The following NT5DC4 variants were observed in gnomAD, a reference collection of about 807,000 sequenced individuals.
The protein encoded by NT5DC4 is 5'-nucleotidase domain-containing protein 4.
NT5DC4 carries 44 observed loss-of-function variants against 26.6 expected under a neutral mutation model. The ratio of observed to expected loss-of-function variants is 1.65; its 90% CI spans 1.30 to 2.13. The LOEUF (loss-of-function observed/expected upper bound fraction) is 2.13. Ranked by LOEUF, NT5DC4 falls within the 30% of genes most tolerant of loss-of-function variation. The pLI is 0.00. For synonymous variants in NT5DC4, 157 were observed against 86.7 expected (o/e 1.81, Z -4.51); for missense variants, 399 against 228.1 (o/e 1.75, Z -4.83).
chr2:112,721,350 G>A (rs1676843759), intron 1 of NT5DC4, 197 bp downstream of exon 1: 1 of 655,846 alleles, frequency 1.5e-6, no homozygotes. Context: ...ACTCCGGCGG[G>A]AGGTCCTCTT....
rs1372425248 is a variant in NT5DC4 at position 112,721,162 on chromosome 2, G to A, written c.74+9G>A. On this transcript the variant is annotated intron_variant, in intron 1 of 16. Coordinates refer to ENST00000688554, the MANE Select transcript of NT5DC4 (RefSeq NM_001393655.1). ...CAGGACTGGCACCAGCGGTGAGATG[G>A]GCACCTGGGGTGGGGGCCAGGGGTC... is the stretch of plus-strand genomic sequence containing the variant. Among the ~76,000 whole-genome samples the A allele has an allele frequency of 6.6e-6, 1 of 152,206 alleles. No individual in the cohort carries two copies. Among genetic ancestry groups the A allele is most frequent in the Non-Finnish European group, 1.5e-5 (1 of 68,026 alleles).
chr2:112,721,681 A>T, intron 1 of NT5DC4, 137 bp from the exon 2 acceptor site: 1 of 715,194 alleles, frequency 1.4e-6, no homozygotes, highest in East Asian at 2.7e-5. Context: ...GCTTGGCCTG[A>T]CCTGCTTCCC....
chr2:112,742,367 T>G (rs746182357), downstream of NT5DC4: 3 of 717,376 alleles, frequency 4.2e-6, no homozygotes, highest in South Asian at 4.4e-5. Flanking sequence ...GTGGGTTTAT[T>G]ATGATTAAAC....
intron 16 of NT5DC4, chr2:112,731,820 A>G (rs1486788812): frequency 6.6e-6 from 1 of 152,176 alleles, no homozygotes; most frequent in African/African-American, 2.4e-5. Context: ...GTCTGAGGAC[A>G]CACTTCATTA....
At chr2:112,731,382 A>T (rs1358239562) in intron 16 of NT5DC4, 1 of 152,112 alleles carries the variant, frequency 6.6e-6, no homozygotes, top group Non-Finnish European at 1.5e-5. Flanking sequence ...TCTTGAACGC[A>T]TGATGTCTCA....
intron 15 of NT5DC4, among the ~76,000 whole-genome samples, chr2:112,728,110 T>G (rs1677993083): frequency 6.6e-6 from 1 of 152,218 alleles, no homozygotes; most frequent in Admixed American, 6.5e-5. Flanking sequence ...GGGATCACAG[T>G]CTTGCAGATA....
Position 112,724,859 on chromosome 2 carries a change from G to C in NT5DC4, c.868G>C (p.Glu290Gln), listed in dbSNP as rs1677487734. ...CACGCAGAAGCCCCACTTCTTTGCAGAGGGGTTGGTCCTGAGGCAGGTCAA... is the reference window on the plus strand; with the variant it reads ...CACGCAGAAGCCCCACTTCTTTGCACAGGGGTTGGTCCTGAGGCAGGTCAA... ...VDTQKPHFFA[E>Q]GLVLRQVNTV... is the part of the protein sequence containing the mutation. Residue 290 changes from glutamate to glutamine, a missense_variant, in exon 11 of 17, where the codon GAG (glutamate) becomes CAG (glutamine). Glu to Gln is a conservative substitution (Grantham distance 29). Coordinates refer to ENST00000688554, the MANE Select transcript of NT5DC4 (RefSeq NM_001393655.1). The C allele has an allele frequency of 4.2e-6, 3 of 717,224 alleles. No homozygotes were observed. The highest frequency in any genetic ancestry group is 7.8e-6 in the Non-Finnish European group (3 of 385,038). The allele number at this position is 717,224 out of a possible 1,614,324, so 44.4% of individuals were successfully genotyped here.
rs753370153 is a variant in NT5DC4 at position 112,738,791 on chromosome 2, GA to G, written c.1345-119del. ...ATATTTCTTGTCTTATGTTGGTTCT[GA>G]AACACCTTTTTTAAAAAAAGCATCA... On this transcript the variant is annotated intron_variant, in intron 16 of 16. Transcript: ENST00000688554. 4.9e-6 allele frequency: 7 copies of G among 1,440,066 alleles called. No homozygotes were observed. In the South Asian group the frequency reaches 5.7e-5, roughly 12 times the overall value. 89.2% of individuals were successfully genotyped at this position (1,440,066 alleles called of 1,614,324 possible).
chr2:112,723,544 T>C (rs562193367), intron 8 of NT5DC4, 76 bp downstream of exon 8: 1 of 706,080 alleles, frequency 1.4e-6, no homozygotes, highest in Admixed American at 2.0e-5. Context: ...CTTCTCTGGC[T>C]TTCTTCGAGG....
intron 16 of NT5DC4, chr2:112,731,393 T>C (rs1340021944): frequency 6.6e-6 from 1 of 152,146 alleles, no homozygotes; most frequent in African/African-American, 2.4e-5. Flanking sequence ...TGATGTCTCA[T>C]ATCCAATTTT....
upstream of NT5DC4, among the ~76,000 whole-genome samples, chr2:112,719,920 CTTTCTCTTTCTTTCTT>C (rs1676690979): frequency 2.3e-5 from 2 of 87,922 alleles, no homozygotes; most frequent in African/African-American, 5.7e-5. Context: ...TTCTTTCTTT[CTTTCTCTTTCTTTCTT>C]TCTTTCTTTC....
Position 112,725,355 on chromosome 2 carries a change from G to A in NT5DC4, c.983-27G>A, listed in dbSNP as rs750579092. The A allele has an allele frequency of 4.3e-6, 3 of 692,294 alleles. No homozygotes were observed. The South Asian group carries it at 4.5e-5, about 10-fold the overall frequency. 42.9% of individuals were successfully genotyped at this position (692,294 alleles called of 1,614,324 possible). On this transcript the variant is annotated intron_variant, in intron 12 of 16. Coordinates refer to ENST00000688554, the MANE Select transcript of NT5DC4 (RefSeq NM_001393655.1). The stretch of plus-strand genomic sequence containing the variant: ...ACCCCAAGGCAGGAAGGGCAAACGA[G>A]TGTCTGTCCTCCCCTTGGTGGGGCA...
chr2:112,741,606 C>T (rs1679970725), downstream of NT5DC4, among the ~76,000 whole-genome samples: 1 of 152,208 alleles, frequency 6.6e-6, no homozygotes, highest in Non-Finnish European at 1.5e-5. Flanking sequence ...GGATTCCTGT[C>T]TTCTCTTTTT....
At chr2:112,738,098 A>C (rs963590465) in intron 16 of NT5DC4, 1 of 152,264 alleles carries the variant, frequency 6.6e-6, no homozygotes, top group Non-Finnish European at 1.5e-5. Flanking sequence ...AAAGAACTGA[A>C]GAAGCAAGTG....
chr2:112,725,137 G>A, intron 11 of NT5DC4, 37 bp from the exon 12 acceptor site: 1 of 704,770 alleles, frequency 1.4e-6, no homozygotes, highest in Non-Finnish European at 2.7e-6. Flanking sequence ...CAAAGATGTG[G>A]TTCTCCTGGC....
chr2:112,722,601 G>T lies in NT5DC4; in HGVS notation c.469+12G>T. On this transcript the variant is annotated intron_variant, in intron 5 of 16. Transcript: ENST00000688554. ...CTTCAACCTGCCTGGTGGGTGGAGG[G>T]TTGGGGGCACGGGAGGTGGTCCTGA... 1 of 717,506 alleles carries T rather than the reference G, an allele frequency of 1.4e-6. No homozygotes were observed. The allele number at this position is 717,506 out of a possible 1,614,324, so 44.4% of individuals were successfully genotyped here.
chr2:112,726,646 TC>T (rs771011343), intron 14 of NT5DC4, 31 bp from the exon 15 acceptor site: 1 of 717,396 alleles, frequency 1.4e-6, no homozygotes, highest in Non-Finnish European at 2.6e-6. Flanking sequence ...GCTCTGTGCC[TC>T]CCCTGGGTCA....
At chr2:112,720,512 C>T (rs1455142551), upstream of NT5DC4, among the ~76,000 whole-genome samples, 1 of 152,110 alleles carries the variant, frequency 6.6e-6, no homozygotes, top group African/African-American at 2.4e-5. Context: ...ACTAAATGGC[C>T]CCAGTGGTTC....
chr2:112,725,528 C>G lies in NT5DC4; in HGVS notation c.1129C>G (p.Leu377Val). Residue 377 changes from leucine (L) to valine (V), a missense_variant, in exon 13 of 17, where the codon CTG becomes GTG. Physicochemically the swap from Leu to Val is conservative, Grantham distance 32. Coordinates refer to ENST00000688554, the MANE Select transcript of NT5DC4 (RefSeq NM_001393655.1). ...CLVVPELSWE[L>V]DIWAQEKERL... ...GGTGGTTCCTGAGCTGTCCTGGGAGCTGGACATCTGGGCCCAGGAGAAGGG... is the reference window on the plus strand; with the variant it reads ...GGTGGTTCCTGAGCTGTCCTGGGAGGTGGACATCTGGGCCCAGGAGAAGGG... The G allele has an allele frequency of 1.4e-6, 1 of 712,202 alleles. No individual in the cohort carries two copies. The highest frequency in any genetic ancestry group is 2.7e-5 in the East Asian group (1 of 37,110). 44.1% of individuals were successfully genotyped at this position (712,202 alleles called of 1,614,324 possible). A position where few individuals can be genotyped will look rare whatever the true frequency, so the allele number is the denominator to read the frequency against.
Sources: gnomAD v4.1 joint callset for allele counts (sites outside exome capture counted in the v4.1 genomes callset) on GRCh38, gnomAD v4.1.1 for gene constraint, MANE v1.5 for transcripts, NCBI Gene and HGNC (gene_info 2026-07-23, HGNC 2026-07-21) for gene names.